ZFHX3: variants seen among roughly 807,000 people sequenced by gnomAD.
ZFHX3 encodes zinc finger homeobox 3.
Under a neutral mutation model 279.1 loss-of-function variants are expected in ZFHX3, and 42 were observed. The observed-to-expected ratio is 0.15, with a 90% CI of 0.12 to 0.19. The LOEUF (loss-of-function observed/expected upper bound fraction) is 0.19, where lower values mean the gene tolerates loss of function less well. Ranked by LOEUF, ZFHX3 falls within the 10% of genes least tolerant of loss-of-function variation. ZFHX3 has a pLI of 1.00. For synonymous variants in ZFHX3, 2,293 were observed against 1,957.8 expected (o/e 1.17, Z -4.52); for missense variants, 4,981 against 4,754.0 (o/e 1.05, Z -1.40).
At chr16:73,215,902 T>A (rs143462614) in intron 5 of ZFHX3, among the ~76,000 whole-genome samples, 369 of 152,272 alleles carry the variant, frequency 2.4e-3, no homozygotes, top group Admixed American at 5.0e-3. Context: ...CGTGTGTATG[T>A]GTATGCTGGG....
At chr16:73,600,890 C>T (rs750510850) in intron 2 of ZFHX3, among the ~76,000 whole-genome samples, 1 of 152,060 alleles carries the variant, frequency 6.6e-6, no homozygotes, top group African/African-American at 2.4e-5. Flanking sequence ...GGATTGGAAC[C>T]CAGTCTAACT....
At chr16:73,430,581 A>G (rs2017892738) in intron 3 of ZFHX3, among the ~76,000 whole-genome samples, 1 of 152,108 alleles carries the variant, frequency 6.6e-6, no homozygotes. Context: ...TTGGCTCAAG[A>G]GTTATAACAG....
At chr16:73,155,642 G>A (rs1383119105) in intron 5 of ZFHX3, among the ~76,000 whole-genome samples, 2 of 152,122 alleles carry the variant, frequency 1.3e-5, no homozygotes. Context: ...GGCCAATGTG[G>A]TGAAACACCG....
chr16:73,276,494 G>A (rs2014306390), intron 4 of ZFHX3, among the ~76,000 whole-genome samples: 2 of 152,048 alleles, frequency 1.3e-5, no homozygotes, highest in East Asian at 1.9e-4. Flanking sequence ...CCCAGTGGCT[G>A]TATTTCTTAC....
intron 2 of ZFHX3, among the ~76,000 whole-genome samples, chr16:73,528,721 C>T (rs1213016795): frequency 2.0e-5 from 3 of 152,294 alleles, no homozygotes; most frequent in African/African-American, 7.2e-5. Context: ...TTGGCCATAG[C>T]CTCTTGTTCA....
chr16:73,440,202 C>T (rs1172708106), intron 3 of ZFHX3, among the ~76,000 whole-genome samples: 1 of 152,204 alleles, frequency 6.6e-6, no homozygotes, highest in Non-Finnish European at 1.5e-5. Flanking sequence ...GTCAATAAGA[C>T]ACCTCCAGTT....
intron 3 of ZFHX3, among the ~76,000 whole-genome samples, chr16:73,319,548 G>T (rs1315594927): frequency 2.0e-5 from 3 of 151,966 alleles, no homozygotes; most frequent in African/African-American, 7.3e-5. Flanking sequence ...AAGCTAAGAA[G>T]AAACTCAGGG....
intron 2 of ZFHX3, among the ~76,000 whole-genome samples, chr16:73,651,631 T>C (rs1408806634): frequency 7.7e-6 from 1 of 129,912 alleles, no homozygotes; most frequent in Non-Finnish European, 1.5e-5. Context: ...GGTCAGGGGA[T>C]CGAGACCATC....
chr16:73,414,381 T>C (rs1329540822), intron 3 of ZFHX3, among the ~76,000 whole-genome samples: 1 of 152,250 alleles, frequency 6.6e-6, no homozygotes, highest in African/African-American at 2.4e-5. Flanking sequence ...TAAGAGATGT[T>C]TGTCCCTGTC....
intron 1 of ZFHX3, among the ~76,000 whole-genome samples, chr16:73,756,118 C>G (rs1273319132): frequency 6.6e-6 from 1 of 152,110 alleles, no homozygotes; most frequent in Non-Finnish European, 1.5e-5. Flanking sequence ...TAAAGAAAAT[C>G]AATGAAGAGT....
At position 73,047,767 on chromosome 16, in the gene ZFHX3, T is replaced by A. The variant is rs1462046197; in HGVS notation, c.-65A>T. ...CTGCACTCACCTGGCACACCAAGCC[T>A]CCGCGCACCTCCGGAGGGAGGCGGC... On this transcript the variant is annotated 5_prime_UTR_variant, in exon 1 of 10. Coordinates refer to ENST00000268489, the MANE Select transcript of ZFHX3 (RefSeq NM_006885.4). 24 of 152,030 alleles carry A rather than the reference T, an allele frequency of 1.6e-4. No homozygotes were observed. The highest frequency in any genetic ancestry group is 3.5e-4 in the Non-Finnish European group (24 of 68,044). The allele number at this position is 152,030 out of a possible 1,614,324, so 9.4% of individuals were successfully genotyped here. A position where few individuals can be genotyped will look rare whatever the true frequency, so the allele number is the denominator to read the frequency against.
chr16:73,654,903 C>T (rs1243597511), intron 2 of ZFHX3, among the ~76,000 whole-genome samples: 1 of 140,762 alleles, frequency 7.1e-6, no homozygotes, highest in African/African-American at 2.6e-5. Context: ...CTGTGTCGCC[C>T]AGGTTGGAGT....
chr16:73,450,886 T>A (rs1010696946), intron 3 of ZFHX3, among the ~76,000 whole-genome samples: 2 of 152,040 alleles, frequency 1.3e-5, no homozygotes, highest in African/African-American at 4.8e-5. Context: ...GTATAGAGCA[T>A]TTTTATTTTT....
At chr16:72,856,013 T>C (rs2037745908) in intron 4 of ZFHX3, among the ~76,000 whole-genome samples, 1 of 152,212 alleles carries the variant, frequency 6.6e-6, no homozygotes, top group South Asian at 2.1e-4. Flanking sequence ...CAAAAGGCGC[T>C]TGTGTTTAGA....
chr16:72,794,474 A>G lies in ZFHX3; in HGVS notation c.8208T>C (p.His2736=). 1 of 1,614,190 alleles carries G rather than the reference A, an allele frequency of 6.2e-7. No homozygotes were observed. The highest frequency in any genetic ancestry group is 8.5e-7 in the Non-Finnish European group (1 of 1,180,036). The part of the protein sequence containing the change: ...LEAHIRSRHW[H]EAKRAGYNLT... The stretch of plus-strand genomic sequence containing the variant: ...GGTTGTAGCCAGCTCTCTTGGCTTC[A>G]TGCCAGTGACGGGACCGGATATGAG... Residue 2736 remains histidine, a synonymous_variant, in exon 9 of 10, where the codon CAT becomes CAC. Coordinates refer to ENST00000268489, the MANE Select transcript of ZFHX3 (RefSeq NM_006885.4). The surrounding 1 kb of genome is among the most constrained non-coding windows in gnomAD (Gnocchi z 4.2).
rs544981276 is a variant in ZFHX3, at chr16:73,481,461, G to C, written c.-1546-25203C>G. On this transcript the variant is annotated intron_variant, in intron 2 of 17. Transcript: ENST00000641206. ...TTAATTAATTAAATAATTAAAGAGG[G>C]TCTCACTCTATTGCTCAGGTGGAGT... 5.3e-5 allele frequency among the ~76,000 whole-genome samples: 8 copies of C among 152,142 alleles called. No individual in the cohort carries two copies. In the South Asian group the frequency reaches 1.5e-3, roughly 28 times the overall value.
intron 7 of ZFHX3, among the ~76,000 whole-genome samples, chr16:73,112,922 A>G (rs922216383): frequency 2.0e-5 from 3 of 151,866 alleles, no homozygotes; most frequent in African/African-American, 4.8e-5. Context: ...CCCGCCCTGG[A>G]GTTATCCTGC....
chr16:73,222,715 T>C (rs2012462748), intron 5 of ZFHX3, among the ~76,000 whole-genome samples: 1 of 152,140 alleles, frequency 6.6e-6, no homozygotes, highest in Non-Finnish European at 1.5e-5. Context: ...ATTGACAAAC[T>C]GATTCTAAAG....
At chr16:73,853,944 G>A (rs201073842) in intron 1 of ZFHX3, among the ~76,000 whole-genome samples, 4 of 152,226 alleles carry the variant, frequency 2.6e-5, no homozygotes, top group East Asian at 1.9e-4. Flanking sequence ...CATTCATCTC[G>A]ATTCTCTACC....
Sources: allele counts gnomAD v4.1 joint callset (sites outside exome capture counted in the v4.1 genomes callset), GRCh38; gene constraint gnomAD v4.1.1; non-coding constraint Gnocchi (gnomAD v3.1); transcripts MANE v1.5; gene names NCBI Gene and HGNC (gene_info 2026-07-23, HGNC 2026-07-21).